The following PDE1C variants were observed in gnomAD, a reference collection of about 807,000 sequenced individuals.
PDE1C encodes phosphodiesterase 1C.
PDE1C carries 62 observed loss-of-function variants against 93.1 expected under a neutral mutation model. That is an observed-to-expected ratio of 0.67 (90% CI 0.54 to 0.82). The LOEUF is 0.82. PDE1C is among the 40% of genes least tolerant of loss of function. PDE1C has a pLI of 0.00. For missense variants in PDE1C, 742 were observed against 884.6 expected (o/e 0.84, Z 2.04); for synonymous variants, 325 against 310.1 (o/e 1.05, Z -0.50).
At chr7:31,877,794 T>C (rs1379094362) in intron 5 of PDE1C, among the ~76,000 whole-genome samples, 176 bp downstream of exon 5, 1 of 151,002 alleles carries the variant, frequency 6.6e-6, no homozygotes, top group Non-Finnish European at 1.5e-5. Flanking sequence ...ATTGGGAAGA[T>C]GAAGGGTGAA....
chr7:31,754,313 G>C (rs1471408170), intron 17 of PDE1C, among the ~76,000 whole-genome samples: 1 of 152,194 alleles, frequency 6.6e-6, no homozygotes, highest in East Asian at 1.9e-4. Context: ...AGCCACTTTG[G>C]AAGACAGTTT....
At chr7:32,252,557 G>A (rs1388719470) in intron 1 of PDE1C, among the ~76,000 whole-genome samples, 4 of 152,184 alleles carry the variant, frequency 2.6e-5, no homozygotes, top group Non-Finnish European at 5.9e-5. Flanking sequence ...CAAGGAGGAG[G>A]CATTCAGGCA....
the PDE1C span, among the ~76,000 whole-genome samples, chr7:31,724,486 C>T: frequency 6.6e-6 from 1 of 152,220 alleles, no homozygotes; most frequent in Non-Finnish European, 1.5e-5. Context: ...AAATTCTGAT[C>T]TGACAGCCAA....
Position 32,397,981 on chromosome 7 carries a change from C to T in PDE1C, c.310+29841G>A, listed in dbSNP as rs1475046780. 2.6e-5 allele frequency among the ~76,000 whole-genome samples: 4 copies of T among 151,970 alleles called. No homozygotes were observed. In the East Asian group the frequency reaches 7.8e-4, roughly 30 times the overall value. The stretch of plus-strand genomic sequence containing the variant: ...CATCCTGGCTAACACAGTGACACCC[C>T]TCATCTACTAAAAATAAAAAAATTA... On this transcript the variant is annotated intron_variant, in intron 1 of 1. Coordinates refer to the PDE1C transcript ENST00000672256.
At chr7:32,182,701 T>C (rs1045330151) in intron 2 of PDE1C, among the ~76,000 whole-genome samples, 1 of 152,188 alleles carries the variant, frequency 6.6e-6, no homozygotes, top group East Asian at 1.9e-4. Context: ...TCATACTGAA[T>C]GGGCAAAAAC....
At chr7:31,642,217 A>G in the PDE1C span, 2 of 1,560,638 alleles carry the variant, frequency 1.3e-6, no homozygotes, top group South Asian at 1.2e-5. Context: ...GTCTGACAGC[A>G]GCGGGTTCCT....
intron 2 of PDE1C, among the ~76,000 whole-genome samples, chr7:31,895,780 T>C (rs952074477): frequency 6.6e-6 from 1 of 152,108 alleles, no homozygotes; most frequent in African/African-American, 2.4e-5. Flanking sequence ...TGAACACCGA[T>C]GATTTTATAA....
intron 2 of PDE1C, among the ~76,000 whole-genome samples, chr7:31,889,906 ATAAG>A (rs916130372): frequency 6.6e-5 from 10 of 152,208 alleles, no homozygotes; most frequent in African/African-American, 2.2e-4. Flanking sequence ...GGCCTTATAA[ATAAG>A]TGTTTCTTAA....
intron 1 of PDE1C, among the ~76,000 whole-genome samples, chr7:32,362,093 C>A (rs1784147395): frequency 6.6e-6 from 1 of 152,054 alleles, no homozygotes; most frequent in Non-Finnish European, 1.5e-5. Flanking sequence ...GGAGGGCGCT[C>A]CCCCAGGGCG....
the PDE1C span, among the ~76,000 whole-genome samples, chr7:31,637,375 T>C: frequency 1.3e-5 from 2 of 152,258 alleles, no homozygotes; most frequent in East Asian, 3.9e-4. Flanking sequence ...TGTTCCTATT[T>C]CTCCACATCC....
At chr7:31,802,387 T>C (rs78433786) in intron 16 of PDE1C, among the ~76,000 whole-genome samples, 11,076 of 151,734 alleles carry the variant, frequency 0.073, 427 homozygotes, top group South Asian at 0.13. Flanking sequence ...TGTAGTCATA[T>C]ATTTCATTTT....
At position 31,920,560 on chromosome 7, in the gene PDE1C, T is replaced by TTA. The variant is rs553154275; in HGVS notation, c.129-39701_129-39700insTA. On this transcript the variant is annotated intron_variant, in intron 2 of 17. Coordinates refer to ENST00000396191, the MANE Select transcript of PDE1C (RefSeq NM_001191057.4). The stretch of plus-strand genomic sequence containing the variant: ...TAGCCACCTTGTTAAGTCTTTTTTT[T>TTA]ATCACCATTTTTATTAAGAAATATT... Among the ~76,000 whole-genome samples, 175 of 152,216 alleles carry TTA rather than the reference T, an allele frequency of 1.1e-3. 1 individual carries two copies. Among genetic ancestry groups the TTA allele is most frequent in the African/African-American group, 3.7e-3 (155 of 41,500 alleles).
intron 2 of PDE1C, among the ~76,000 whole-genome samples, chr7:31,893,907 G>A (rs371114766): frequency 1.3e-5 from 2 of 151,996 alleles, no homozygotes; most frequent in East Asian, 1.9e-4. Context: ...GGACTTCCTC[G>A]CTTAGCATTT....
At chr7:32,300,759 A>T (rs1158483259), upstream of PDE1C, among the ~76,000 whole-genome samples, 5 of 152,208 alleles carry the variant, frequency 3.3e-5, no homozygotes, top group African/African-American at 1.2e-4. Flanking sequence ...TGCCACCATT[A>T]ATTTTATAGG....
At chr7:32,084,266 T>C (rs533689125) in intron 3 of PDE1C, among the ~76,000 whole-genome samples, 1 of 152,064 alleles carries the variant, frequency 6.6e-6, no homozygotes, top group African/African-American at 2.4e-5. Flanking sequence ...GGCCATTAGA[T>C]AATGGTAAAG....
At chr7:32,414,295 T>TA (rs1039955239) in intron 1 of PDE1C, among the ~76,000 whole-genome samples, 8 of 151,572 alleles carry the variant, frequency 5.3e-5, no homozygotes, top group Non-Finnish European at 7.4e-5. Context: ...GAACACTCAT[T>TA]AAAAAAAGAT....
chr7:32,374,245 GGAAA>G (rs1562695935), intron 1 of PDE1C, among the ~76,000 whole-genome samples: 10 of 89,568 alleles, frequency 1.1e-4, no homozygotes, highest in African/African-American at 3.9e-4. Context: ...AAAGAAGGAA[GGAAA>G]GGAAAGGAAG....
rs553600362 is a variant in PDE1C, at chr7:32,411,782, T to C, written c.310+16040A>G. ...AGTGTTTTTAACTTTTTGACTCTTT[T>C]GTAATAACACGTAGCTTAAAACACA... On this transcript the variant is annotated intron_variant, in intron 1 of 1. Transcript: ENST00000672256. Among the ~76,000 whole-genome samples the C allele has an allele frequency of 6.9e-4, 105 of 152,316 alleles. 2 individuals carry two copies. Among genetic ancestry groups the C allele is most frequent in the Non-Finnish European group, 8.8e-5 (6 of 68,036 alleles).
intron 3 of PDE1C, among the ~76,000 whole-genome samples, chr7:32,160,607 C>A (rs891044442): frequency 1.3e-5 from 2 of 152,076 alleles, no homozygotes; most frequent in Non-Finnish European, 2.9e-5. Flanking sequence ...TCTGGGAGGT[C>A]GAGGTGGGTG....
Sources: gnomAD v4.1 joint callset for allele counts (sites outside exome capture counted in the v4.1 genomes callset) on GRCh38, gnomAD v4.1.1 for gene constraint, MANE v1.5 for transcripts, NCBI Gene and HGNC (gene_info 2026-07-23, HGNC 2026-07-21) for gene names.